OR6N1: variants seen among roughly 807,000 people sequenced by gnomAD.
OR6N1 encodes the protein olfactory receptor 6N1.
For missense variants in OR6N1, 394 were observed against 371.7 expected (o/e 1.06, Z -0.49); for synonymous variants, 170 against 150.7 (o/e 1.13, Z -0.94).
the OR6N1 span, among the ~76,000 whole-genome samples, chr1:158,778,907 T>C: frequency 2.9e-3 from 435 of 151,024 alleles, 1 homozygote; most frequent in Non-Finnish European, 5.1e-3. Context: ...AGTTCCCAGC[T>C]ACTCCGGAGG....
the OR6N1 span, among the ~76,000 whole-genome samples, chr1:158,800,768 G>A: frequency 6.6e-6 from 1 of 152,128 alleles, no homozygotes; most frequent in African/African-American, 2.4e-5. Context: ...CAAAACTTAC[G>A]CTATCACTAA....
At chr1:158,777,306 A>G in the OR6N1 span, 1 of 1,614,110 alleles carries the variant, frequency 6.2e-7, no homozygotes, top group Non-Finnish European at 8.5e-7. Flanking sequence ...GGTAGCATTC[A>G]GACGCTCCCA....
chr1:158,781,191 T>C, the OR6N1 span: 3 of 152,264 alleles, frequency 2.0e-5, no homozygotes, highest in Admixed American at 6.5e-5. Flanking sequence ...CACTATTCAG[T>C]GTCTGCTTTG....
chr1:158,796,880 T>C, the OR6N1 span, among the ~76,000 whole-genome samples: 3 of 109,472 alleles, frequency 2.7e-5, no homozygotes, highest in South Asian at 6.3e-4. Flanking sequence ...ACAACTTACC[T>C]TTTTTTTTTT....
intron 1 of OR6N1, among the ~76,000 whole-genome samples, chr1:158,768,310 A>T (rs1163078436): frequency 1.3e-5 from 2 of 152,020 alleles, no homozygotes; most frequent in Non-Finnish European, 2.9e-5. Context: ...GCCTACTCAC[A>T]TCTCCTCTTG....
chr1:158,768,679 C>T (rs1657339310), intron 1 of OR6N1, among the ~76,000 whole-genome samples: 1 of 152,186 alleles, frequency 6.6e-6, no homozygotes, highest in Non-Finnish European at 1.5e-5. Context: ...TGCTGTAGCT[C>T]TTTCCTTGTT....
the OR6N1 span, among the ~76,000 whole-genome samples, chr1:158,779,317 C>A: frequency 2.3e-5 from 3 of 132,128 alleles, no homozygotes; most frequent in East Asian, 7.0e-4. Context: ...AGAGAACCGC[C>A]CAATTCTAGT....
the OR6N1 span, among the ~76,000 whole-genome samples, chr1:158,801,200 C>T: frequency 1.3e-5 from 2 of 150,222 alleles, no homozygotes; most frequent in Non-Finnish European, 3.0e-5. Context: ...TGTGGTCTGT[C>T]TGTGTGTGTA....
chr1:158,787,197 G>A, the OR6N1 span, among the ~76,000 whole-genome samples: 1 of 151,840 alleles, frequency 6.6e-6, no homozygotes, highest in Non-Finnish European at 1.5e-5. Context: ...TCTTGCTCTC[G>A]CTCTACCACG....
In OR6N1 at chr1:158,765,863, G is replaced by A. The variant is rs769539824; in HGVS notation, c.820C>T (p.Leu274=). Residue 274 remains leucine (L), a synonymous_variant, in exon 2 of 2, where the codon CTG becomes TTG. Coordinates refer to ENST00000641846, the MANE Select transcript of OR6N1 (RefSeq NM_001005185.2). ...GTGAGCACTGAGTAGACCACTGCCA[G>A]GGCCTGGTCATAGTCCAGTGAGTAG... ...KSYSLDYDQA[L]AVVYSVLTPF... The A allele has an allele frequency of 1.9e-6, 3 of 1,614,120 alleles. No homozygotes were observed. The highest frequency in any genetic ancestry group is 2.2e-5 in the South Asian group (2 of 91,090).
chr1:158,790,605 C>T, the OR6N1 span, among the ~76,000 whole-genome samples: 3 of 152,054 alleles, frequency 2.0e-5, no homozygotes, highest in Admixed American at 1.3e-4. Context: ...GGGGTTTCAC[C>T]GTGTTAGCCA....
the OR6N1 span, among the ~76,000 whole-genome samples, chr1:158,789,707 A>C: frequency 1.3e-5 from 2 of 152,102 alleles, no homozygotes; most frequent in African/African-American, 4.8e-5. Context: ...CTATGGAGTT[A>C]TTTGAGTTCC....
At chr1:158,835,626 GGT>G in the OR6N1 span, among the ~76,000 whole-genome samples, 1 of 102,504 alleles carries the variant, frequency 9.8e-6, no homozygotes, top group Non-Finnish European at 1.9e-5. Context: ...GGGGGCGGGG[GGT>G]GGGTGTTAAA....
At chr1:158,799,196 A>G in the OR6N1 span, among the ~76,000 whole-genome samples, 1 of 152,192 alleles carries the variant, frequency 6.6e-6, no homozygotes, top group African/African-American at 2.4e-5. Context: ...CATTTATCTC[A>G]CACCTAGTCA....
At chr1:158,806,343 G>A in the OR6N1 span, among the ~76,000 whole-genome samples, 1 of 152,154 alleles carries the variant, frequency 6.6e-6, no homozygotes, top group Non-Finnish European at 1.5e-5. Context: ...CAAGTCTATT[G>A]TAATAACAAT....
At chr1:158,783,525 T>C in the OR6N1 span, among the ~76,000 whole-genome samples, 1 of 152,254 alleles carries the variant, frequency 6.6e-6, no homozygotes, top group African/African-American at 2.4e-5. Flanking sequence ...TTTATCTTTC[T>C]GGTATCCTCT....
the OR6N1 span, among the ~76,000 whole-genome samples, chr1:158,807,499 AG>A: frequency 7.2e-5 from 11 of 152,226 alleles, no homozygotes; most frequent in Non-Finnish European, 1.6e-4. Context: ...TGCTCAGCAG[AG>A]GAAGCAATAG....
rs1282886721 is a variant in OR6N1, at chr1:158,764,311, G to A, written c.*1433C>T. 1 of 150,978 alleles carries A rather than the reference G, an allele frequency of 6.6e-6. No homozygotes were observed. The highest frequency in any genetic ancestry group is 1.5e-5 in the Non-Finnish European group (1 of 67,726). The allele number at this position is 150,978 out of a possible 1,614,324, so 9.4% of individuals were successfully genotyped here. ...ACTTCAAAGACAAGTGAAAAAAAAGGAGAATGCATGTTTATCTTAATACTA... is the reference window on the plus strand; with the variant it reads ...ACTTCAAAGACAAGTGAAAAAAAAGAAGAATGCATGTTTATCTTAATACTA... On this transcript the variant is annotated 3_prime_UTR_variant, in exon 2 of 2. Coordinates refer to ENST00000641846, the MANE Select transcript of OR6N1 (RefSeq NM_001005185.2).
upstream of OR6N1, among the ~76,000 whole-genome samples, chr1:158,773,332 G>A (rs1047979952): frequency 4.6e-5 from 7 of 151,738 alleles, 1 homozygote; most frequent in Admixed American, 2.0e-4. Context: ...AATGACTAGA[G>A]GTTTATTCAG....
Sources: allele counts gnomAD v4.1 joint callset (sites outside exome capture counted in the v4.1 genomes callset), GRCh38; gene constraint gnomAD v4.1.1; transcripts MANE v1.5; gene names NCBI Gene and HGNC (gene_info 2026-07-23, HGNC 2026-07-21).